Variants in RBM18 observed in about 807,000 individuals in gnomAD.
RBM18 encodes the protein RNA binding motif protein 18, also known as probable RNA-binding protein 18.
RBM18 carries 18 observed loss-of-function variants against 26.4 expected under a neutral mutation model. The observed-to-expected ratio is 0.68, with a 90% CI of 0.47 to 1.01. The LOEUF (loss-of-function observed/expected upper bound fraction) is 1.01, where lower values mean the gene tolerates loss of function less well. Among genes scored for constraint, RBM18 ranks in the 50% least tolerant of loss-of-function variants. RBM18 has a pLI of 0.00. For synonymous variants in RBM18, 74 were observed against 81.1 expected (o/e 0.91, Z 0.47); for missense variants, 180 against 219.2 (o/e 0.82, Z 1.13).
At position 122,245,345 on chromosome 9, in the gene RBM18, A is replaced by G; in HGVS notation, c.328-4T>C. ...CATTCTTGTTATGATCATATCTCTG[A>G]AAATGAGAAATAGAGAAATTACTTC... On this transcript the variant is annotated splice_region_variant and splice_polypyrimidine_tract_variant and intron_variant, in intron 4 of 5. Transcript: ENST00000417201. 4 of 1,585,482 alleles carry G rather than the reference A, an allele frequency of 2.5e-6. No individual in the cohort carries two copies. Among genetic ancestry groups the G allele is most frequent in the East Asian group, 2.2e-5 (1 of 44,716 alleles).
Position 122,240,929 on chromosome 9 carries a change from A to C in RBM18, c.*955T>G, listed in dbSNP as rs1588375260. ...CAAGATAATGCAATCTCTTCCACTT[A>C]GACCGCTACACAATTATTAGAAAAT... On this transcript the variant is annotated 3_prime_UTR_variant, in exon 6 of 6. Transcript: ENST00000417201. 6.6e-6 allele frequency: 1 copy of C among 152,358 alleles called. No homozygotes were observed. Among genetic ancestry groups the C allele is most frequent in the South Asian group, 2.1e-4 (1 of 4,826 alleles). 9.4% of individuals were successfully genotyped at this position (152,358 alleles called of 1,614,324 possible). A position where few individuals can be genotyped will look rare whatever the true frequency, so the allele number is the denominator to read the frequency against.
intron 5 of RBM18, chr9:122,243,940 T>A: frequency 1.2e-6 from 1 of 835,984 alleles, no homozygotes; most frequent in Non-Finnish European, 1.4e-6. Context: ...CATAAGAAAC[T>A]AAAGACATGT....
chr9:122,240,731 T>C lies in RBM18; in HGVS notation c.*1153A>G, dbSNP rs894853736. ...TCTCTATTGTTATATTCAGGATGCT[T>C]AGAGTGACAAACATATCTAGAGGCA... On this transcript the variant is annotated 3_prime_UTR_variant, in exon 6 of 6. Transcript: ENST00000417201. 1 of 152,222 alleles carries C rather than the reference T, an allele frequency of 6.6e-6. No homozygotes were observed. The highest frequency in any genetic ancestry group is 2.4e-5 in the African/African-American group (1 of 41,462). The allele number at this position is 152,222 out of a possible 1,614,324, so 9.4% of individuals were successfully genotyped here. A position where few individuals can be genotyped will look rare whatever the true frequency, so the allele number is the denominator to read the frequency against.
intron 4 of RBM18, among the ~76,000 whole-genome samples, chr9:122,246,072 A>G (rs1831501822): frequency 1.3e-5 from 2 of 152,368 alleles, no homozygotes; most frequent in South Asian, 4.1e-4. Flanking sequence ...GTGAAGAATA[A>G]AAGTTGTAAC....
intron 5 of RBM18, 28 bp downstream of exon 5, chr9:122,245,228 T>C (rs918430014): frequency 3.0e-6 from 4 of 1,330,684 alleles, no homozygotes; most frequent in Non-Finnish European, 4.3e-6. Context: ...CCTGAATTAC[T>C]GTGTCTTTCT....
intron 1 of RBM18, among the ~76,000 whole-genome samples, chr9:122,264,251 A>G (rs1255902518): frequency 1.3e-5 from 2 of 152,208 alleles, no homozygotes; most frequent in Non-Finnish European, 1.5e-5. Flanking sequence ...TGTGAGTCTT[A>G]AATAAGACAA....
chr9:122,252,104 C>T lies in RBM18; in HGVS notation c.114-131G>A. On this transcript the variant is annotated intron_variant, in intron 2 of 5. Transcript: ENST00000417201. The stretch of plus-strand genomic sequence containing the variant: ...TCTCGCCCCAGCCCCCTGCCTTCCT[C>T]TAAACTGCTATGTTAGTTTATTTGG... 3 of 1,132,922 alleles carry T rather than the reference C, an allele frequency of 2.6e-6. No individual in the cohort carries two copies. In the Admixed American group the frequency reaches 7.7e-5, roughly 29 times the overall value. 70.2% of individuals were successfully genotyped at this position (1,132,922 alleles called of 1,614,324 possible). A position where few individuals can be genotyped will look rare whatever the true frequency, so the allele number is the denominator to read the frequency against.
intron 3 of RBM18, among the ~76,000 whole-genome samples, chr9:122,248,987 C>G (rs1333644253): frequency 1.3e-5 from 2 of 152,148 alleles, no homozygotes; most frequent in African/African-American, 4.8e-5. Context: ...GCACACAAAG[C>G]TAGAGTGACA....
chr9:122,241,851 AT>A lies in RBM18; in HGVS notation c.*32del, dbSNP rs1432160422. 6.2e-7 allele frequency: 1 copy of A among 1,606,050 alleles called. No individual in the cohort carries two copies. The highest frequency in any genetic ancestry group is 2.2e-5 in the East Asian group (1 of 44,796). On this transcript the variant is annotated 3_prime_UTR_variant, in exon 6 of 6. Coordinates refer to ENST00000417201, the MANE Select transcript of RBM18 (RefSeq NM_033117.4). ...CAGACGATTTTAGGTGTGGAGACCA[AT>A]TTGCTTTTGCTGCTACAGTAATTCA...
rs1375191770 is a variant in RBM18 at position 122,237,958 on chromosome 9, C to T, written c.*3926G>A. The T allele has an allele frequency of 6.6e-6, 1 of 151,070 alleles. No individual in the cohort carries two copies. The highest frequency in any genetic ancestry group is 6.6e-5 in the Admixed American group (1 of 15,232). 9.4% of individuals were successfully genotyped at this position (151,070 alleles called of 1,614,324 possible). On this transcript the variant is annotated 3_prime_UTR_variant, in exon 6 of 6. Coordinates refer to ENST00000417201, the MANE Select transcript of RBM18 (RefSeq NM_033117.4). ...TTGTTTACTTTTTTTCTCAACCACTCGAAAATGAAAAAAAAATCATTCTTA... is the reference window on the plus strand; with the variant it reads ...TTGTTTACTTTTTTTCTCAACCACTTGAAAATGAAAAAAAAATCATTCTTA...
intron 4 of RBM18, among the ~76,000 whole-genome samples, chr9:122,247,160 G>A (rs1831517889): frequency 6.6e-6 from 1 of 152,064 alleles, no homozygotes; most frequent in South Asian, 2.1e-4. Flanking sequence ...AGAGTCAAAG[G>A]CTGGGAAGAG....
At chr9:122,263,963 A>G (rs983942694) in intron 1 of RBM18, among the ~76,000 whole-genome samples, 1 of 152,198 alleles carries the variant, frequency 6.6e-6, no homozygotes, top group Non-Finnish European at 1.5e-5. Context: ...TTGTTATTCT[A>G]TATCATAGCC....
chr9:122,257,440 C>T (rs537991559), intron 2 of RBM18, among the ~76,000 whole-genome samples: 2 of 152,290 alleles, frequency 1.3e-5, no homozygotes, highest in South Asian at 2.1e-4. Context: ...AACCCCACCG[C>T]GCCCAGCCAA....
intron 3 of RBM18, among the ~76,000 whole-genome samples, chr9:122,250,497 T>C (rs1480100970): frequency 6.6e-6 from 1 of 152,202 alleles, no homozygotes; most frequent in Admixed American, 6.5e-5. Context: ...TCAAAAATGA[T>C]TAGTTTTTAA....
intron 1 of RBM18, among the ~76,000 whole-genome samples, chr9:122,261,933 G>A (rs1274665320): frequency 6.6e-6 from 1 of 150,596 alleles, no homozygotes; most frequent in Non-Finnish European, 1.5e-5. Flanking sequence ...CCTCATGGAA[G>A]AGGCAATATA....
intron 2 of RBM18, 119 bp from the exon 3 acceptor site, chr9:122,252,092 C>T: frequency 1.5e-6 from 2 of 1,310,358 alleles, no homozygotes; most frequent in African/African-American, 2.9e-5. Context: ...CGCCCCAGCC[C>T]CCTGCCTTCC....
rs1259663653 is a variant in RBM18 at position 122,241,010 on chromosome 9, T to C, written c.*874A>G. The C allele has an allele frequency of 2.0e-5, 3 of 152,232 alleles. No homozygotes were observed. Among genetic ancestry groups the C allele is most frequent in the African/African-American group, 4.8e-5 (2 of 41,460 alleles). 9.4% of individuals were successfully genotyped at this position (152,232 alleles called of 1,614,324 possible). On this transcript the variant is annotated 3_prime_UTR_variant, in exon 6 of 6. Coordinates refer to ENST00000417201, the MANE Select transcript of RBM18 (RefSeq NM_033117.4). ...GTTTAGGTTTTCAAAGAAATTTTGC[T>C]TTTTCTATTTAGACTGACCATGATA...
At position 122,239,158 on chromosome 9, in the gene RBM18, G is replaced by A. The variant is rs7033538; in HGVS notation, c.*2726C>T. 1.4e-4 allele frequency: 22 copies of A among 152,246 alleles called. No homozygotes were observed. The highest frequency in any genetic ancestry group is 3.9e-4 in the Admixed American group (6 of 15,296). 9.4% of individuals were successfully genotyped at this position (152,246 alleles called of 1,614,324 possible). On this transcript the variant is annotated 3_prime_UTR_variant, in exon 6 of 6. Coordinates refer to ENST00000417201, the MANE Select transcript of RBM18 (RefSeq NM_033117.4). ...ACTGTGCATATCTTAATAAACAAGAGACAGAGCTGCAGAATACCTGGTTTC... is the reference window on the plus strand; with the variant it reads ...ACTGTGCATATCTTAATAAACAAGAAACAGAGCTGCAGAATACCTGGTTTC...
At chr9:122,244,680 CAAAACAA>C (rs955877962) in intron 5 of RBM18, among the ~76,000 whole-genome samples, 1 of 136,750 alleles carries the variant, frequency 7.3e-6, no homozygotes, top group Non-Finnish European at 1.7e-5. Flanking sequence ...CAAAACAAAA[CAAAACAA>C]AAAACAAACA....
Sources: allele counts gnomAD v4.1 joint callset (sites outside exome capture counted in the v4.1 genomes callset), GRCh38; gene constraint gnomAD v4.1.1; transcripts MANE v1.5; gene names NCBI Gene and HGNC (gene_info 2026-07-23, HGNC 2026-07-21).